MELK: variants seen among roughly 807,000 people sequenced by gnomAD.
MELK encodes the protein pEg3 kinase.
Under a neutral mutation model 85.0 loss-of-function variants are expected in MELK, and 81 were observed. That is an observed-to-expected ratio of 0.95 (90% CI 0.80 to 1.15). MELK has a LOEUF of 1.15. Ranked by LOEUF, MELK falls within the 50% of genes most tolerant of loss-of-function variation. The pLI is 0.00. For missense variants in MELK, 754 were observed against 777.5 expected (o/e 0.97, Z 0.36); for synonymous variants, 252 against 265.0 (o/e 0.95, Z 0.48).
intron 6 of MELK, among the ~76,000 whole-genome samples, chr9:36,597,701 A>G (rs1490463331): frequency 2.6e-5 from 4 of 152,254 alleles, no homozygotes; most frequent in East Asian, 3.8e-4. Context: ...TCTATAACTA[A>G]CAATTAGTTA....
At chr9:36,576,469 TC>T (rs1821656941) in intron 1 of MELK, among the ~76,000 whole-genome samples, 1 of 152,194 alleles carries the variant, frequency 6.6e-6, no homozygotes, top group Non-Finnish European at 1.5e-5. Context: ...TTAATTTTTT[TC>T]TTGAGTGTCG....
At chr9:36,585,209 C>T (rs895023056) in intron 3 of MELK, among the ~76,000 whole-genome samples, 1 of 149,010 alleles carries the variant, frequency 6.7e-6, no homozygotes, top group Non-Finnish European at 1.5e-5. Context: ...AAGCCTGTCT[C>T]TTTTGGTGGT....
intron 16 of MELK, among the ~76,000 whole-genome samples, chr9:36,671,938 A>G (rs1299820434): frequency 6.6e-6 from 1 of 152,142 alleles, no homozygotes; most frequent in Non-Finnish European, 1.5e-5. Flanking sequence ...GTTCTGAAAC[A>G]CTGGGCTCAG....
At chr9:36,617,193 G>C (rs1294997195) in intron 8 of MELK, among the ~76,000 whole-genome samples, 1 of 152,108 alleles carries the variant, frequency 6.6e-6, no homozygotes, top group Non-Finnish European at 1.5e-5. Flanking sequence ...ACCAACAGTA[G>C]CATAATAATG....
At chr9:36,629,597 TCTG>T (rs1828314704) in intron 8 of MELK, among the ~76,000 whole-genome samples, 2 of 152,234 alleles carry the variant, frequency 1.3e-5, no homozygotes, top group African/African-American at 4.8e-5. Flanking sequence ...AATATGCTTT[TCTG>T]CTGCTTCATT....
chr9:36,662,267 G>A (rs1449015883), intron 13 of MELK, among the ~76,000 whole-genome samples: 1 of 145,954 alleles, frequency 6.9e-6, no homozygotes, highest in Admixed American at 6.8e-5. Flanking sequence ...TTTTAAGATG[G>A]AATCTTGCTC....
intron 12 of MELK, 152 bp from the exon 13 acceptor site, chr9:36,657,089 G>C (rs145471164): frequency 2.2e-5 from 20 of 916,562 alleles, no homozygotes; most frequent in Admixed American, 3.0e-5. Context: ...GTCTCAGTTT[G>C]TGTAAGTACA....
At chr9:36,624,086 T>C (rs1032015460) in intron 8 of MELK, among the ~76,000 whole-genome samples, 16 of 149,032 alleles carry the variant, frequency 1.1e-4, no homozygotes, top group African/African-American at 1.5e-4. Flanking sequence ...TATACTTCTT[T>C]TTTTTTTTTT....
intron 10 of MELK, among the ~76,000 whole-genome samples, chr9:36,640,261 C>G (rs903865330): frequency 6.6e-6 from 1 of 152,042 alleles, no homozygotes; most frequent in Non-Finnish European, 1.5e-5. Flanking sequence ...ATCAAGGCAT[C>G]ATAGAGCTAG....
intron 1 of MELK, among the ~76,000 whole-genome samples, chr9:36,577,878 C>T (rs1237125721): frequency 6.6e-6 from 1 of 151,994 alleles, no homozygotes; most frequent in African/African-American, 2.4e-5. Flanking sequence ...GTCTTGAACT[C>T]CCGACCTCAG....
intron 8 of MELK, among the ~76,000 whole-genome samples, chr9:36,623,282 GGTT>G (rs1326557253): frequency 6.6e-6 from 1 of 152,168 alleles, no homozygotes; most frequent in Non-Finnish European, 1.5e-5. Flanking sequence ...GCTGACAGTT[GGTT>G]TCTCCATTTG....
In MELK at chr9:36,651,800, C is replaced by T. The variant is rs148081976; in HGVS notation, c.976C>T (p.Arg326Trp). 3.3e-5 allele frequency: 54 copies of T among 1,613,852 alleles called. No individual in the cohort carries two copies. The East Asian group carries it at 8.7e-4, about 26-fold the overall frequency. Residue 326 changes from arginine (R) to tryptophan (W), a missense_variant, in exon 12 of 18, where the codon CGG (arginine) becomes TGG (tryptophan). By Grantham distance (101) the Arg-to-Trp change is moderately radical. Coordinates refer to ENST00000298048, the MANE Select transcript of MELK (RefSeq NM_014791.4). ...TYLLLLAKKA[R>W]GKPVRLRLSS... ...TCTTCTGCTTCTAGCCAAGAAGGCT[C>T]GGGGAAAACCAGTTCGTTTAAGGCT...
chr9:36,652,765 A>T (rs1405899901), intron 12 of MELK, among the ~76,000 whole-genome samples: 1 of 151,372 alleles, frequency 6.6e-6, no homozygotes, highest in Non-Finnish European at 1.5e-5. Flanking sequence ...TGCTTAAGCC[A>T]CAGATGAGCT....
At chr9:36,660,462 C>T (rs1420162180) in intron 13 of MELK, among the ~76,000 whole-genome samples, 1 of 152,134 alleles carries the variant, frequency 6.6e-6, no homozygotes, top group Admixed American at 6.5e-5. Flanking sequence ...GGACTATAGG[C>T]ATGCACCACC....
rs1554740061 is a variant in MELK at position 36,661,952 on chromosome 9, A to AAAAAC, written c.1177-3389_1177-3385dup. Among the ~76,000 whole-genome samples, 1,243 of 134,416 alleles carry AAAAAC rather than the reference A, an allele frequency of 9.2e-3. 19 individuals carry two copies. The highest frequency in any genetic ancestry group is 0.01 in the African/African-American group (379 of 36,484). The allele number at this position is 134,416 out of a possible 152,430, so 88.2% of individuals were successfully genotyped here. A position where few individuals can be genotyped will look rare whatever the true frequency, so the allele number is the denominator to read the frequency against. ...ACTCCGTCTCAAAAAAAAAAAAAAA[A>AAAAAC]AAAACAAAACAAACAAAGAAAAAAA... On this transcript the variant is annotated intron_variant, in intron 13 of 17. Coordinates refer to ENST00000298048, the MANE Select transcript of MELK (RefSeq NM_014791.4).
chr9:36,662,365 TC>T (rs1474352934), intron 13 of MELK, among the ~76,000 whole-genome samples: 1 of 151,778 alleles, frequency 6.6e-6, no homozygotes, highest in Non-Finnish European at 1.5e-5. Flanking sequence ...TGCCTCAGCC[TC>T]CCAAGTAGCC....
chr9:36,594,022 A>G (rs1823923717), intron 4 of MELK, among the ~76,000 whole-genome samples: 2 of 152,208 alleles, frequency 1.3e-5, no homozygotes, highest in Admixed American at 1.3e-4. Flanking sequence ...GCAGTAACTA[A>G]ATGTGGAACT....
At chr9:36,655,389 T>C (rs1449538647) in intron 12 of MELK, among the ~76,000 whole-genome samples, 1 of 151,736 alleles carries the variant, frequency 6.6e-6, no homozygotes, top group Non-Finnish European at 1.5e-5. Flanking sequence ...GGCACCTAAT[T>C]TTGCTTGATG....
intron 8 of MELK, among the ~76,000 whole-genome samples, chr9:36,627,743 T>C (rs1331143805): frequency 6.6e-6 from 1 of 151,830 alleles, no homozygotes; most frequent in Admixed American, 6.6e-5. Flanking sequence ...GTCAGGCTGG[T>C]CTCAAACTTC....
Sources: gnomAD v4.1 joint callset for allele counts (sites outside exome capture counted in the v4.1 genomes callset) on GRCh38, gnomAD v4.1.1 for gene constraint, MANE v1.5 for transcripts, NCBI Gene and HGNC (gene_info 2026-07-23, HGNC 2026-07-21) for gene names.